SRGAP2C: variants seen among roughly 807,000 people sequenced by gnomAD.
The protein encoded by SRGAP2C is SLIT-ROBO Rho GTPase-activating protein 2C.
SRGAP2C carries 15 observed loss-of-function variants against 25.1 expected under a neutral mutation model. The observed-to-expected ratio is 0.60, with a 90% CI of 0.40 to 0.92. SRGAP2C has a LOEUF of 0.92. Among genes scored for constraint, SRGAP2C ranks in the 40% least tolerant of loss-of-function variants. SRGAP2C has a pLI of 0.00. For missense variants in SRGAP2C, 144 were observed against 264.4 expected, an observed-to-expected ratio of 0.54 and a Z score of 3.16; for synonymous variants, 44 against 96.6, an observed-to-expected ratio of 0.46 and a Z score of 3.19.
chr1:121,275,673 G>A (rs1387129237), intron 2 of SRGAP2C, among the ~76,000 whole-genome samples: 1 of 151,386 alleles, frequency 6.6e-6, no homozygotes, highest in African/African-American at 2.4e-5. Flanking sequence ...TTGGCTTTAT[G>A]AGATTGTCTT....
At chr1:121,329,756 A>G (rs1490108890) in intron 4 of SRGAP2C, among the ~76,000 whole-genome samples, 4 of 151,666 alleles carry the variant, frequency 2.6e-5, no homozygotes, top group African/African-American at 9.7e-5. Context: ...CATATTTTAC[A>G]TTTTGCATGA....
chr1:121,296,259 G>A (rs1657597192), intron 3 of SRGAP2C, among the ~76,000 whole-genome samples: 1 of 152,176 alleles, frequency 6.6e-6, no homozygotes, highest in Admixed American at 6.5e-5. Flanking sequence ...TTGCACACAT[G>A]CACAGAGAGG....
intron 4 of SRGAP2C, among the ~76,000 whole-genome samples, chr1:121,357,689 T>A (rs1333986668): frequency 1.1e-5 from 1 of 93,860 alleles, no homozygotes; most frequent in Non-Finnish European, 2.1e-5. Flanking sequence ...TTGGAGGAAT[T>A]CAGCTACAAT....
intron 4 of SRGAP2C, among the ~76,000 whole-genome samples, chr1:121,339,252 CT>C (rs1185472819): frequency 0.034 from 3,055 of 89,558 alleles, 97 homozygotes; most frequent in African/African-American, 0.15. Flanking sequence ...GCTATGTTGT[CT>C]TTTTTTTTTT....
At chr1:121,273,573 G>C (rs1351793365) in intron 2 of SRGAP2C, among the ~76,000 whole-genome samples, 1 of 148,302 alleles carries the variant, frequency 6.7e-6, no homozygotes, top group East Asian at 2.0e-4. Context: ...TGGGGAGAAA[G>C]GGAAGGAGGG....
intron 4 of SRGAP2C, among the ~76,000 whole-genome samples, chr1:121,348,748 A>C (rs1193838976): frequency 6.9e-6 from 1 of 145,648 alleles, no homozygotes; most frequent in Non-Finnish European, 1.5e-5. Flanking sequence ...TTCAATTCCA[A>C]CTTCACCAAT....
intron 4 of SRGAP2C, among the ~76,000 whole-genome samples, chr1:121,346,594 C>A (rs587653862): frequency 2.6e-5 from 4 of 151,938 alleles, no homozygotes; most frequent in Admixed American, 2.0e-4. Flanking sequence ...TTGACCTAGG[C>A]GAGAGAAGAA....
intron 2 of SRGAP2C, among the ~76,000 whole-genome samples, chr1:121,272,254 TA>T (rs1656983879): frequency 6.8e-6 from 1 of 146,760 alleles, no homozygotes; most frequent in East Asian, 2.0e-4. Flanking sequence ...TATTAACTCA[TA>T]AAAACTCTGT....
At position 121,232,713 on chromosome 1, in the gene SRGAP2C, C is replaced by G. The variant is rs587770943; in HGVS notation, c.67+45200C>G. On this transcript the variant is annotated intron_variant, in intron 2 of 9. Coordinates refer to ENST00000367123, the MANE Select transcript of SRGAP2C (RefSeq NM_001329984.2). ...AAACGTACTCTGAGGATGCTGACTT[C>G]CAGATAGCCATTTTTGGGTTAAGGG... Among the ~76,000 whole-genome samples the G allele has an allele frequency of 1.3e-3, 204 of 152,284 alleles. 3 individuals carry two copies. The highest frequency in any genetic ancestry group is 0.013 in the Admixed American group (193 of 15,298).
At chr1:121,234,991 C>A (rs1655912085) in intron 2 of SRGAP2C, among the ~76,000 whole-genome samples, 1 of 150,756 alleles carries the variant, frequency 6.6e-6, no homozygotes, top group Non-Finnish European at 1.5e-5. Context: ...TCACTTCCTT[C>A]ACTCTCTCTC....
At chr1:121,355,216 A>G (rs1659033457) in intron 4 of SRGAP2C, among the ~76,000 whole-genome samples, 1 of 149,806 alleles carries the variant, frequency 6.7e-6, no homozygotes, top group Non-Finnish European at 1.5e-5. Context: ...TTAAACAACT[A>G]GACCAAAAAA....
In SRGAP2C at chr1:121,388,385, A is replaced by G. The variant is rs1570842305; in HGVS notation, c.*530A>G. 3.0e-5 allele frequency: 1 copy of G among 33,844 alleles called. No individual in the cohort carries two copies. Among genetic ancestry groups the G allele is most frequent in the South Asian group, 7.5e-4 (1 of 1,334 alleles). 2.1% of individuals were successfully genotyped at this position (33,844 alleles called of 1,614,324 possible). A position where few individuals can be genotyped will look rare whatever the true frequency, so the allele number is the denominator to read the frequency against. On this transcript the variant is annotated 3_prime_UTR_variant, in exon 10 of 10. Coordinates refer to ENST00000367123, the MANE Select transcript of SRGAP2C (RefSeq NM_001329984.2). ...CGTATTTTCTTATTCATGTATCTCT[A>G]GTCTTCTTTTAGACAGTTGGACCCT... is the stretch of plus-strand genomic sequence containing the variant.
chr1:121,314,531 T>A (rs1658049739), intron 3 of SRGAP2C, among the ~76,000 whole-genome samples: 1 of 152,110 alleles, frequency 6.6e-6, no homozygotes, highest in Admixed American at 6.6e-5. Context: ...GTTTTTCTGT[T>A]CTGTTTTTTC....
chr1:121,335,391 A>AAT (rs1658492086), intron 4 of SRGAP2C, among the ~76,000 whole-genome samples: 2,341 of 135,384 alleles, frequency 0.017, 35 homozygotes, highest in Non-Finnish European at 0.027. Context: ...AATAAATAAA[A>AAT]CAACCAATTC....
At chr1:121,357,422 G>A (rs1553347840) in intron 4 of SRGAP2C, among the ~76,000 whole-genome samples, 3 of 149,496 alleles carry the variant, frequency 2.0e-5, no homozygotes, top group Non-Finnish European at 4.5e-5. Flanking sequence ...TGGAGGAATA[G>A]AAGGTAATTG....
chr1:121,330,047 T>TC (rs1316388883), intron 4 of SRGAP2C, among the ~76,000 whole-genome samples: 6 of 145,434 alleles, frequency 4.1e-5, no homozygotes, highest in Non-Finnish European at 6.0e-5. Flanking sequence ...CTCCCTGTGG[T>TC]CTCCATGAGG....
At chr1:121,208,252 A>C (rs1160252934) in intron 2 of SRGAP2C, among the ~76,000 whole-genome samples, 3 of 152,270 alleles carry the variant, frequency 2.0e-5, no homozygotes, top group South Asian at 2.1e-4. Flanking sequence ...TATGTTTGTT[A>C]AAGTGAATCA....
intron 2 of SRGAP2C, among the ~76,000 whole-genome samples, chr1:121,279,702 G>A (rs1211143747): frequency 1.4e-5 from 2 of 139,550 alleles, no homozygotes; most frequent in Non-Finnish European, 3.1e-5. Flanking sequence ...AGCTTCATGG[G>A]TGTGTCTGGT....
intron 4 of SRGAP2C, among the ~76,000 whole-genome samples, chr1:121,351,599 G>T (rs1423303693): frequency 7.4e-6 from 1 of 135,744 alleles, no homozygotes; most frequent in East Asian, 2.1e-4. Context: ...GACAGAGCGA[G>T]ACTCCATCTC....
Sources: gnomAD v4.1 joint callset for allele counts (sites outside exome capture counted in the v4.1 genomes callset) on GRCh38, gnomAD v4.1.1 for gene constraint, MANE v1.5 for transcripts, NCBI Gene and HGNC (gene_info 2026-07-23, HGNC 2026-07-21) for gene names.